Variants in NTN1 observed in about 807,000 individuals in gnomAD.
The protein encoded by NTN1 is netrin-1.
NTN1 carries 11 observed loss-of-function variants against 54.2 expected under a neutral mutation model. The observed-to-expected ratio is 0.20, with a 90% CI of 0.13 to 0.34. The LOEUF (loss-of-function observed/expected upper bound fraction) is 0.34. Among genes scored for constraint, NTN1 ranks in the 10% least tolerant of loss-of-function variants. The pLI is 1.00. For missense variants in NTN1, 740 were observed against 893.1 expected (o/e 0.83, Z 2.18); for synonymous variants, 371 against 382.0 (o/e 0.97, Z 0.33).
chr17:9,234,703 G>C (rs1311766349), intron 6 of NTN1, among the ~76,000 whole-genome samples: 1 of 152,216 alleles, frequency 6.6e-6, no homozygotes, highest in African/African-American at 2.4e-5. Flanking sequence ...GGGCAGCAAG[G>C]CTCGAGGAAG....
At chr17:9,141,502 C>T (rs181448032) in intron 2 of NTN1, among the ~76,000 whole-genome samples, 26 of 152,066 alleles carry the variant, frequency 1.7e-4, no homozygotes, top group Admixed American at 1.2e-3. Context: ...TTAGCGTGGG[C>T]GTCCTGGTGG....
intron 2 of NTN1, among the ~76,000 whole-genome samples, chr17:9,111,487 C>T (rs954383827): frequency 7.2e-5 from 11 of 152,004 alleles, no homozygotes; most frequent in African/African-American, 2.7e-4. Context: ...CTGGGAGAGG[C>T]AGGTTCTTCT....
chr17:9,022,949 C>T lies in NTN1; in HGVS notation c.576C>T (p.Pro192=). 1 of 1,611,590 alleles carries T rather than the reference C, an allele frequency of 6.2e-7. No homozygotes were observed. Among genetic ancestry groups the T allele is most frequent in the Non-Finnish European group, 8.5e-7 (1 of 1,179,656 alleles). The change falls in exon 2 of 7, where the codon CCC becomes CCT. Residue 192 remains proline (P), a synonymous_variant. Coordinates refer to ENST00000173229, the MANE Select transcript of NTN1 (RefSeq NM_004822.3). ...RKMYNRPHRA[P]ITKQNEQEAV... is the part of the protein sequence containing the mutation. The stretch of plus-strand genomic sequence containing the variant: ...TGTACAACCGGCCGCACCGCGCGCC[C>T]ATCACCAAGCAGAACGAGCAGGAGG...
chr17:9,225,539 G>A (rs62068237), intron 6 of NTN1, among the ~76,000 whole-genome samples: 46,167 of 152,154 alleles, frequency 0.3, 7,598 homozygotes, highest in African/African-American at 0.36. Flanking sequence ...CTCTGCTGGC[G>A]TCTGTGGAGA....
intron 2 of NTN1, among the ~76,000 whole-genome samples, chr17:9,136,530 T>G (rs562466336): frequency 6.6e-6 from 1 of 152,068 alleles, no homozygotes; most frequent in South Asian, 2.1e-4. Context: ...TGAGCCAAGA[T>G]TGCACCACTG....
intron 2 of NTN1, among the ~76,000 whole-genome samples, chr17:9,118,374 C>T (rs548837676): frequency 1.6e-4 from 25 of 152,166 alleles, no homozygotes; most frequent in East Asian, 7.7e-4. Flanking sequence ...AAAAATTAAC[C>T]GGGCGTGGTG....
chr17:9,217,854 CA>C (rs11354107), intron 5 of NTN1, among the ~76,000 whole-genome samples: 42,140 of 92,546 alleles, frequency 0.46, 7,931 homozygotes, highest in East Asian at 0.81. Flanking sequence ...GGAAAGACAC[CA>C]AAAAAAAAAA....
chr17:9,048,846 G>T (rs370334345), intron 2 of NTN1, among the ~76,000 whole-genome samples: 53 of 152,228 alleles, frequency 3.5e-4, no homozygotes, highest in African/African-American at 1.2e-3. Context: ...AGTAGAGATG[G>T]GGTTTCACCA....
At chr17:9,021,634 G>C (rs1018175507) in intron 1 of NTN1, 49 bp downstream of exon 1, 3 of 151,552 alleles carry the variant, frequency 2.0e-5, no homozygotes, top group African/African-American at 4.9e-5. Flanking sequence ...CTCCGAGCTC[G>C]GCGGGAGCGG....
At chr17:9,094,730 C>A (rs983377390) in intron 2 of NTN1, among the ~76,000 whole-genome samples, 4 of 152,056 alleles carry the variant, frequency 2.6e-5, no homozygotes, top group African/African-American at 9.7e-5. Flanking sequence ...GTGGCTCACA[C>A]CTGTAATCCC....
chr17:9,163,133 CTT>C (rs2092362918), intron 3 of NTN1, 132 bp downstream of exon 3: 3 of 782,734 alleles, frequency 3.8e-6, no homozygotes, highest in East Asian at 2.8e-5. Flanking sequence ...ATCTCTCTCT[CTT>C]TCTCTCTCTG....
At position 9,184,592 on chromosome 17, in the gene NTN1, G is replaced by A. The variant is rs199950732; in HGVS notation, c.1411+1623G>A. ...CACACCGCGGGGGGCTGAGGCTTCCGAGCAGGGGCTGTGTGACAGCTCATG... is the reference window on the plus strand; with the variant it reads ...CACACCGCGGGGGGCTGAGGCTTCCAAGCAGGGGCTGTGTGACAGCTCATG... On this transcript the variant is annotated intron_variant, in intron 5 of 6. Transcript: ENST00000173229. 5.3e-5 allele frequency among the ~76,000 whole-genome samples: 8 copies of A among 152,310 alleles called. No homozygotes were observed. In the East Asian group the frequency reaches 9.6e-4, roughly 18 times the overall value.
At chr17:9,141,481 CTT>C (rs1424033177) in intron 2 of NTN1, among the ~76,000 whole-genome samples, 2 of 152,116 alleles carry the variant, frequency 1.3e-5, no homozygotes. Flanking sequence ...ATATGGCAGA[CTT>C]AGGTGGCCTT....
chr17:9,031,962 C>T (rs529446839), intron 2 of NTN1, among the ~76,000 whole-genome samples: 3 of 145,784 alleles, frequency 2.1e-5, no homozygotes, highest in Admixed American at 6.8e-5. Flanking sequence ...GTCTCAAAAA[C>T]AAACAAAAAA....
chr17:9,109,613 G>A (rs1175728339), intron 2 of NTN1, among the ~76,000 whole-genome samples: 3 of 152,126 alleles, frequency 2.0e-5, no homozygotes, highest in South Asian at 4.1e-4. Flanking sequence ...TATCTCCTGG[G>A]GTTATGAATG....
At chr17:9,228,921 CGT>C (rs1905697303) in intron 6 of NTN1, among the ~76,000 whole-genome samples, 2 of 78,748 alleles carry the variant, frequency 2.5e-5, no homozygotes, top group African/African-American at 1.1e-4. Flanking sequence ...TGTGTGACTG[CGT>C]GTGTGACTGG....
the NTN1 span, among the ~76,000 whole-genome samples, chr17:9,005,452 A>C: frequency 7.0e-6 from 1 of 142,662 alleles, no homozygotes; most frequent in Admixed American, 7.1e-5. Flanking sequence ...ATACACACAC[A>C]CCCTCCCTCC....
At chr17:9,100,779 G>T (rs1048905581) in intron 2 of NTN1, among the ~76,000 whole-genome samples, 10 of 151,624 alleles carry the variant, frequency 6.6e-5, no homozygotes, top group African/African-American at 2.4e-4. Context: ...GAGTTTTTTT[G>T]TTGTTTTAAT....
intron 5 of NTN1, among the ~76,000 whole-genome samples, chr17:9,199,382 T>A (rs1360299847): frequency 6.6e-6 from 1 of 152,224 alleles, no homozygotes; most frequent in Non-Finnish European, 1.5e-5. Context: ...CCTCAAATGA[T>A]CCACCCACCT....
Sources: allele counts gnomAD v4.1 joint callset (sites outside exome capture counted in the v4.1 genomes callset), GRCh38; gene constraint gnomAD v4.1.1; transcripts MANE v1.5; gene names NCBI Gene and HGNC (gene_info 2026-07-23, HGNC 2026-07-21).